The following LIMA1 variants were observed in gnomAD, a reference collection of about 807,000 sequenced individuals.
LIMA1 encodes LIM domain and actin-binding protein 1.
LIMA1 carries 52 observed loss-of-function variants against 62.6 expected under a neutral mutation model. The ratio of observed to expected loss-of-function variants is 0.83; its 90% CI spans 0.67 to 1.05. LIMA1 has a LOEUF of 1.05. Ranked by LOEUF, LIMA1 falls within the 50% of genes least tolerant of loss-of-function variation. The pLI, the probability that LIMA1 is intolerant of heterozygous loss-of-function variation, is 0.00. For missense variants in LIMA1, 780 were observed against 902.2 expected, an observed-to-expected ratio of 0.86 and a Z score of 1.74; for synonymous variants, 302 against 317.8, an observed-to-expected ratio of 0.95 and a Z score of 0.53.
intron 3 of LIMA1, among the ~76,000 whole-genome samples, chr12:50,224,012 C>T (rs949173546): frequency 5.3e-5 from 8 of 151,060 alleles, no homozygotes; most frequent in South Asian, 2.1e-4. Flanking sequence ...CACTCCAGTC[C>T]GGGTGACAGA....
intron 8 of LIMA1, 46 bp downstream of exon 8, chr12:50,195,784 T>C (rs761496756): frequency 1.3e-6 from 2 of 1,557,728 alleles, no homozygotes; most frequent in Admixed American, 2.2e-5. Flanking sequence ...CAAATACAGA[T>C]AGAAAACAAG....
chr12:50,178,961 T>C (rs1940419988), intron 10 of LIMA1, among the ~76,000 whole-genome samples: 1 of 102,606 alleles, frequency 9.7e-6, no homozygotes, highest in African/African-American at 3.7e-5. Context: ...CATATATATA[T>C]ATATATTTTT....
At chr12:50,200,505 A>G (rs947780211) in intron 7 of LIMA1, among the ~76,000 whole-genome samples, 3 of 152,182 alleles carry the variant, frequency 2.0e-5, no homozygotes, top group African/African-American at 4.8e-5. Context: ...CCAGCCTCCA[A>G]ATAGATTTTA....
chr12:50,225,615 C>T (rs369942566), intron 3 of LIMA1, among the ~76,000 whole-genome samples: 84 of 152,198 alleles, frequency 5.5e-4, no homozygotes, highest in African/African-American at 1.6e-3. Flanking sequence ...TGTAGTGGCA[C>T]GATCTTGGTT....
intron 4 of LIMA1, among the ~76,000 whole-genome samples, chr12:50,220,896 A>G (rs191878792): frequency 2.6e-5 from 4 of 152,344 alleles, no homozygotes; most frequent in Admixed American, 2.0e-4. Context: ...TCATGCACAG[A>G]GAAGTGTTGT....
intron 3 of LIMA1, among the ~76,000 whole-genome samples, chr12:50,225,033 G>A (rs1207068590): frequency 2.6e-5 from 4 of 151,496 alleles, no homozygotes; most frequent in South Asian, 2.1e-4. Context: ...CTCCTGAGTA[G>A]CTGGGATTAC....
intron 1 of LIMA1, among the ~76,000 whole-genome samples, chr12:50,278,003 G>A (rs573649849): frequency 2.0e-4 from 30 of 152,290 alleles, no homozygotes; most frequent in African/African-American, 5.5e-4. Flanking sequence ...CGGGCCGGGC[G>A]CGGTGGCTCA....
rs199735854 is a variant in LIMA1, at chr12:50,206,062, G to A, written c.637C>T (p.Arg213Trp). ...CCACTTGCACTTCGGCTTTGGGCCC[G>A]GAGAATCTGGAAAACGAAACCCAAC... Reference protein sequence around the residue: ...KGEPTQTKILRAQSRSASGRK... With the variant: ...KGEPTQTKILWAQSRSASGRK... Residue 213 changes from arginine (R) to tryptophan (W), a missense_variant, in exon 5 of 11, where the codon CGG becomes TGG. Coordinates refer to ENST00000341247, the MANE Select transcript of LIMA1 (RefSeq NM_016357.5). 6.3e-5 allele frequency: 102 copies of A among 1,611,392 alleles called. 1 individual carries two copies. In the East Asian group the frequency reaches 9.6e-4, roughly 15 times the overall value.
In LIMA1 at chr12:50,271,528, G is replaced by GT. The variant is rs200090302; in HGVS notation, c.-24+11891dup. Among the ~76,000 whole-genome samples the GT allele has an allele frequency of 7.6e-3, 1,158 of 151,842 alleles. 11 individuals are homozygous for GT. The highest frequency in any genetic ancestry group is 0.026 in the African/African-American group (1,076 of 41,406). On this transcript the variant is annotated intron_variant, in intron 1 of 10. Coordinates refer to ENST00000341247, the MANE Select transcript of LIMA1 (RefSeq NM_016357.5). ...GTGAGGTTTTCTTATTTTTCCAGTA[G>GT]TTTTTTTTCACACATAGTAAGAAAA...
At chr12:50,201,266 G>A in intron 6 of LIMA1, 1 of 1,013,520 alleles carries the variant, frequency 9.9e-7, no homozygotes, top group Non-Finnish European at 1.2e-6. Context: ...GCAGGGGAAA[G>A]GAGATGCCAA....
intron 1 of LIMA1, among the ~76,000 whole-genome samples, chr12:50,264,295 G>A (rs542908353): frequency 6.6e-6 from 1 of 152,280 alleles, no homozygotes; most frequent in South Asian, 2.1e-4. Flanking sequence ...TTATGGTGAT[G>A]GCTGCACAAC....
intron 7 of LIMA1, among the ~76,000 whole-genome samples, chr12:50,196,434 C>T (rs758870290): frequency 6.6e-6 from 1 of 152,174 alleles, no homozygotes; most frequent in Non-Finnish European, 1.5e-5. Context: ...TCTTTGAGGA[C>T]AGTTTCCCTT....
intron 8 of LIMA1, among the ~76,000 whole-genome samples, chr12:50,193,683 T>TTTTC: frequency 7.4e-6 from 1 of 134,948 alleles, no homozygotes; most frequent in Non-Finnish European, 1.6e-5. Context: ...TTTTTTTTTT[T>TTTTC]TTTCAGAGTC....
intron 9 of LIMA1, among the ~76,000 whole-genome samples, chr12:50,182,470 G>A (rs919056592): frequency 6.6e-6 from 1 of 152,184 alleles, no homozygotes; most frequent in African/African-American, 2.4e-5. Context: ...AAATTTCAAG[G>A]AGAGGAAGAG....
rs146347071 is a variant in LIMA1 at position 50,222,099 on chromosome 12, C to G, written c.552G>C (p.Ser184=). Residue 184 remains serine, a synonymous_variant, in exon 4 of 11, where the codon TCG becomes TCC. Coordinates refer to ENST00000341247, the MANE Select transcript of LIMA1 (RefSeq NM_016357.5). ...GAACATTATATTTCTCTATTTTGCC[C>G]GAAGCATCTGTGTTTTCACTGATTT... ...KSEISENTDA[S]GKIEKYNVPL... is the part of the protein sequence containing the mutation. 6.2e-7 allele frequency: 1 copy of G among 1,614,104 alleles called. No homozygotes were observed. Among genetic ancestry groups the G allele is most frequent in the Non-Finnish European group, 8.5e-7 (1 of 1,180,022 alleles).
At chr12:50,276,654 T>C (rs1592574154) in intron 1 of LIMA1, among the ~76,000 whole-genome samples, 1 of 152,030 alleles carries the variant, frequency 6.6e-6, no homozygotes, top group South Asian at 2.1e-4. Context: ...GCAGATTACC[T>C]GGGTCAGGAG....
chr12:50,186,471 C>T (rs1456411274), intron 9 of LIMA1: 1 of 152,622 alleles, frequency 6.6e-6, no homozygotes, highest in Non-Finnish European at 1.5e-5. Flanking sequence ...CTCCTGCATA[C>T]CAAGGTGGTT....
chr12:50,231,477 G>A (rs968187279), intron 3 of LIMA1, among the ~76,000 whole-genome samples, 188 bp downstream of exon 3: 2 of 152,168 alleles, frequency 1.3e-5, no homozygotes, highest in African/African-American at 4.8e-5. Context: ...AAGGAGAAAA[G>A]CAGTGAAAAA....
chr12:50,253,643 T>A (rs754568126), intron 1 of LIMA1, among the ~76,000 whole-genome samples: 1 of 152,200 alleles, frequency 6.6e-6, no homozygotes, highest in Non-Finnish European at 1.5e-5. Flanking sequence ...AGATAATCAT[T>A]CCTGCTTTCA....
Sources: allele counts gnomAD v4.1 joint callset (sites outside exome capture counted in the v4.1 genomes callset), GRCh38; gene constraint gnomAD v4.1.1; transcripts MANE v1.5; gene names NCBI Gene and HGNC (gene_info 2026-07-23, HGNC 2026-07-21).